MIER1: variants seen among roughly 807,000 people sequenced by gnomAD.
MIER1 encodes MIER1 transcriptional regulator, also known as mesoderm induction early response protein 1.
In MIER1, 40 loss-of-function variants were observed where a neutral mutation model predicts 75.7. The ratio of observed to expected loss-of-function variants is 0.53; its 90% CI spans 0.41 to 0.69. The LOEUF is 0.69. Among genes scored for constraint, MIER1 ranks in the 30% least tolerant of loss-of-function variants. MIER1 has a pLI of 0.00. For synonymous variants in MIER1, 213 were observed against 223.4 expected, an observed-to-expected ratio of 0.95 and a Z score of 0.42; for missense variants, 574 against 680.2, an observed-to-expected ratio of 0.84 and a Z score of 1.74.
At chr1:66,973,129 A>G in intron 11 of MIER1, 138 bp downstream of exon 11, 1 of 584,062 alleles carries the variant, frequency 1.7e-6, no homozygotes. Flanking sequence ...TTAGTGAGTA[A>G]TTATAGTAAG....
rs1666524138 is a variant in MIER1, at chr1:66,984,622, G to A, written c.1420G>A (p.Val474Ile). 2 of 1,611,766 alleles carry A rather than the reference G, an allele frequency of 1.2e-6. No homozygotes were observed. Among genetic ancestry groups the A allele is most frequent in the Non-Finnish European group, 1.7e-6 (2 of 1,179,328 alleles). Residue 474 changes from valine to isoleucine, a missense_variant, in exon 14 of 14, where the codon GTT (valine) becomes ATT (isoleucine). By Grantham distance (29) the Val-to-Ile change is conservative. Coordinates refer to ENST00000401041, the MANE Select transcript of MIER1 (RefSeq NM_001077700.3). ...GEILNKEEVK[V>I]EGLHINGPTG... is the part of the protein sequence containing the mutation. ...AATATTAAACAAAGAGGAAGTAAAA[G>A]TTGAAGGGTTACACATTAATGGACC...
At chr1:66,940,904 A>C (rs1257140439) in intron 3 of MIER1, among the ~76,000 whole-genome samples, 1 of 152,190 alleles carries the variant, frequency 6.6e-6, no homozygotes, top group Non-Finnish European at 1.5e-5. Flanking sequence ...ATGTGGGTTA[A>C]AGAGTAGTCC....
At chr1:66,955,339 T>TTG (rs1659885909) in intron 4 of MIER1, among the ~76,000 whole-genome samples, 5 of 134,216 alleles carry the variant, frequency 3.7e-5, no homozygotes, top group South Asian at 2.5e-4. Flanking sequence ...CACCTGAGTT[T>TTG]TTTTTTTTTT....
intron 8 of MIER1, among the ~76,000 whole-genome samples, chr1:66,964,522 G>A (rs1441347768): frequency 6.8e-6 from 1 of 146,720 alleles, no homozygotes; most frequent in Non-Finnish European, 1.5e-5. Flanking sequence ...GCTCAATCTC[G>A]GCTCACTGCA....
At chr1:66,970,669 C>G (rs182330863) in intron 8 of MIER1, 139 bp from the exon 9 acceptor site, 3 of 535,126 alleles carry the variant, frequency 5.6e-6, no homozygotes, top group Non-Finnish European at 9.4e-6. Flanking sequence ...TGCCCAAGAA[C>G]GAAGTCAGGC....
intron 3 of MIER1, among the ~76,000 whole-genome samples, chr1:66,944,537 G>A (rs1657028480): frequency 6.6e-6 from 1 of 151,302 alleles, no homozygotes; most frequent in Non-Finnish European, 1.5e-5. Context: ...GACCCTATAG[G>A]GTCCAGCAAT....
chr1:66,933,260 G>A (rs1379771931), intron 2 of MIER1, among the ~76,000 whole-genome samples: 1 of 152,102 alleles, frequency 6.6e-6, no homozygotes, highest in Non-Finnish European at 1.5e-5. Flanking sequence ...AATCCTTTGG[G>A]TTTTATAAGG....
chr1:66,981,140 A>G (rs1300127586), intron 12 of MIER1, among the ~76,000 whole-genome samples: 2 of 152,204 alleles, frequency 1.3e-5, no homozygotes, highest in Admixed American at 6.5e-5. Flanking sequence ...CCTGAGAGAG[A>G]CAAATCTCTA....
At chr1:66,961,085 A>G (rs1258673465) in intron 7 of MIER1, among the ~76,000 whole-genome samples, 1 of 152,152 alleles carries the variant, frequency 6.6e-6, no homozygotes, top group Non-Finnish European at 1.5e-5. Flanking sequence ...TTACTCAGAA[A>G]GGGTATTAAT....
At position 66,988,616 on chromosome 1, in the gene MIER1, T is replaced by C. The variant is rs975583611; in HGVS notation, c.*3716T>C. On this transcript the variant is annotated 3_prime_UTR_variant, in exon 14 of 14. Coordinates refer to ENST00000401041, the MANE Select transcript of MIER1 (RefSeq NM_001077700.3). ...TAATGTAATTAAAATGTCATTTTGC[T>C]TGCTCTTGAGTAAGAAGTAATTTGA... 5.2e-5 allele frequency: 8 copies of C among 152,386 alleles called. No individual in the cohort carries two copies. Among genetic ancestry groups the C allele is most frequent in the Non-Finnish European group, 1.2e-4 (8 of 68,042 alleles). The allele number at this position is 152,386 out of a possible 1,614,324, so 9.4% of individuals were successfully genotyped here.
intron 2 of MIER1, among the ~76,000 whole-genome samples, chr1:66,939,216 T>C (rs111286014): frequency 2.1e-3 from 326 of 152,298 alleles, no homozygotes; most frequent in Non-Finnish European, 3.8e-3. Context: ...GGGAGTCTTA[T>C]GTTTGTAGAT....
At chr1:66,970,511 A>G (rs1192267192) in intron 8 of MIER1, among the ~76,000 whole-genome samples, 1 of 152,166 alleles carries the variant, frequency 6.6e-6, no homozygotes, top group Non-Finnish European at 1.5e-5. Flanking sequence ...CAAGGTCATC[A>G]TACATGTAAT....
intron 8 of MIER1, among the ~76,000 whole-genome samples, chr1:66,969,263 C>A (rs969808674): frequency 3.3e-5 from 5 of 151,746 alleles, no homozygotes; most frequent in African/African-American, 7.3e-5. Context: ...GAAAATAATA[C>A]GGCCGGGCGC....
chr1:66,956,168 A>G (rs532017017), intron 4 of MIER1, among the ~76,000 whole-genome samples: 10 of 152,294 alleles, frequency 6.6e-5, no homozygotes, highest in South Asian at 4.1e-4. Flanking sequence ...CATGTTTCCA[A>G]TCCTACATTT....
intron 12 of MIER1, among the ~76,000 whole-genome samples, chr1:66,979,926 G>A (rs1665555708): frequency 1.3e-5 from 2 of 151,888 alleles, no homozygotes; most frequent in African/African-American, 4.8e-5. Context: ...CACCACACCC[G>A]GCTAATTTTG....
chr1:66,957,582 T>C (rs1052371727), intron 4 of MIER1, among the ~76,000 whole-genome samples: 4 of 149,950 alleles, frequency 2.7e-5, no homozygotes, highest in African/African-American at 9.8e-5. Flanking sequence ...TACTGGTTTG[T>C]TTGTGTTTTT....
In MIER1 at chr1:66,925,207, A is replaced by G; in HGVS notation, c.67+112A>G. 2.8e-6 allele frequency: 4 copies of G among 1,411,354 alleles called. No individual in the cohort carries two copies. In the African/African-American group the frequency reaches 4.5e-5, roughly 16 times the overall value. 87.4% of individuals were successfully genotyped at this position (1,411,354 alleles called of 1,614,324 possible). ...TCCTTCCCCTCCCCCACGGCAGTGT[A>G]CCGCCCGGAAGACCCTTAACTTCCG... On this transcript the variant is annotated intron_variant, in intron 1 of 13. Coordinates refer to ENST00000401041, the MANE Select transcript of MIER1 (RefSeq NM_001077700.3).
chr1:66,925,017 G>A lies in MIER1; in HGVS notation c.-12G>A, dbSNP rs552071959. On this transcript the variant is annotated 5_prime_UTR_variant, in exon 1 of 14. Transcript: ENST00000401041. ...GCCCCTCCCAGGCTCTGAGTCTCCC[G>A]GCTGCAGGCGGATGGATGGGGCTTC... The A allele has an allele frequency of 3.4e-5, 53 of 1,545,744 alleles. No individual in the cohort carries two copies. The East Asian group carries it at 1.2e-3, about 34-fold the overall frequency.
At position 66,985,651 on chromosome 1, in the gene MIER1, A is replaced by G. The variant is rs574452888; in HGVS notation, c.*751A>G. The stretch of plus-strand genomic sequence containing the variant: ...TACAAAAGCGTGTATAATTTTCTTA[A>G]CTTGTACAGTTGGTAAACTTTTATG... On this transcript the variant is annotated 3_prime_UTR_variant, in exon 14 of 14. Transcript: ENST00000401041. 2.0e-5 allele frequency: 20 copies of G among 984,868 alleles called. No homozygotes were observed. The African/African-American group carries it at 3.5e-4, about 17-fold the overall frequency. 61.0% of individuals were successfully genotyped at this position (984,868 alleles called of 1,614,324 possible).
Sources: gnomAD v4.1 joint callset for allele counts (sites outside exome capture counted in the v4.1 genomes callset) on GRCh38, gnomAD v4.1.1 for gene constraint, MANE v1.5 for transcripts, NCBI Gene and HGNC (gene_info 2026-07-23, HGNC 2026-07-21) for gene names.